The following SLC25A26 variants were observed in gnomAD, a reference collection of about 807,000 sequenced individuals.
SLC25A26 encodes the protein solute carrier family 25 member 26.
A neutral mutation model predicts 37.8 loss-of-function variants in SLC25A26; 36 were observed. The observed-to-expected ratio is 0.95, with a 90% CI of 0.73 to 1.26. SLC25A26 has a LOEUF of 1.26. SLC25A26 is among the 50% of genes most tolerant of loss of function. The pLI is 0.00. For missense variants in SLC25A26, 390 were observed against 331.1 expected (o/e 1.18, Z -1.38); for synonymous variants, 129 against 122.5 (o/e 1.05, Z -0.35).
rs377239684 is a variant in SLC25A26, at chr3:66,231,763, A to ATTT, written c.34-4767_34-4765dup. The stretch of plus-strand genomic sequence containing the variant: ...GTGCCAATAAGTATGGGTTTACCTC[A>ATTT]TTTTTTTTTTTTTTTTGATTAGAGA... On this transcript the variant is annotated intron_variant, in intron 1 of 9. Transcript: ENST00000354883. Among the ~76,000 whole-genome samples, 306 of 137,900 alleles carry ATTT rather than the reference A, an allele frequency of 2.2e-3. 2 individuals carry two copies. The highest frequency in any genetic ancestry group is 7.4e-3 in the African/African-American group (277 of 37,298). 90.5% of individuals were successfully genotyped at this position (137,900 alleles called of 152,430 possible). A position where few individuals can be genotyped will look rare whatever the true frequency, so the allele number is the denominator to read the frequency against.
chr3:66,244,397 C>G (rs1391660417), intron 3 of SLC25A26, among the ~76,000 whole-genome samples: 1 of 152,174 alleles, frequency 6.6e-6, no homozygotes, highest in Admixed American at 6.5e-5. Context: ...ATAGTCACAT[C>G]TCTCTCTCGA....
chr3:66,218,565 C>CTTA (rs2071395525), upstream of SLC25A26, among the ~76,000 whole-genome samples: 1 of 152,128 alleles, frequency 6.6e-6, no homozygotes, highest in Non-Finnish European at 1.5e-5. Context: ...CCTCATCTTC[C>CTTA]GGTATTTAGG....
chr3:66,353,767 C>T (rs1000313865), intron 6 of SLC25A26, among the ~76,000 whole-genome samples: 2 of 152,150 alleles, frequency 1.3e-5, no homozygotes, highest in African/African-American at 4.8e-5. Flanking sequence ...TTCTCAGAGA[C>T]CAACCCTGGA....
At chr3:66,273,516 C>G (rs1463965513) in intron 5 of SLC25A26, among the ~76,000 whole-genome samples, 4 of 152,088 alleles carry the variant, frequency 2.6e-5, no homozygotes, top group African/African-American at 4.8e-5. Flanking sequence ...ATTGTCTCAG[C>G]CCAAAGTCTC....
chr3:66,174,583 A>G (rs189232510), intron 1 of SLC25A26, among the ~76,000 whole-genome samples: 38 of 152,242 alleles, frequency 2.5e-4, no homozygotes, highest in Non-Finnish European at 4.0e-4. Flanking sequence ...AATCGAGACC[A>G]TCCTGGCTAA....
intron 1 of SLC25A26, among the ~76,000 whole-genome samples, chr3:66,236,253 G>T (rs36197639): frequency 7.8e-6 from 1 of 128,584 alleles, no homozygotes; most frequent in Non-Finnish European, 1.6e-5. Context: ...AACCATGTGA[G>T]TACTATATTA....
intron 1 of SLC25A26, among the ~76,000 whole-genome samples, chr3:66,204,599 C>T (rs2071154104): frequency 6.6e-6 from 1 of 151,998 alleles, no homozygotes; most frequent in African/African-American, 2.4e-5. Flanking sequence ...AATGCTAGCA[C>T]CCCAGAAAAA....
At chr3:66,204,299 G>A (rs1389880242) in intron 1 of SLC25A26, among the ~76,000 whole-genome samples, 1 of 151,584 alleles carries the variant, frequency 6.6e-6, no homozygotes, top group Non-Finnish European at 1.5e-5. Flanking sequence ...AGTGGCGGTC[G>A]CCTGTAGTCC....
chr3:66,209,932 A>ATATATATATATATATG (rs2106834382), intron 1 of SLC25A26, among the ~76,000 whole-genome samples: 1 of 70,400 alleles, frequency 1.4e-5, no homozygotes, highest in Non-Finnish European at 2.6e-5. Context: ...ATATATATAT[A>ATATATATATATATATG]TATATATATA....
intron 2 of SLC25A26, 145 bp from the exon 3 acceptor site, chr3:66,243,058 G>T: frequency 1.9e-6 from 1 of 533,116 alleles, no homozygotes; most frequent in Non-Finnish European, 3.3e-6. Flanking sequence ...AAAGAGTGGG[G>T]GTAGGAAGAA....
intron 5 of SLC25A26, among the ~76,000 whole-genome samples, chr3:66,280,732 AT>A (rs901203603): frequency 6.6e-6 from 1 of 151,628 alleles, no homozygotes; most frequent in African/African-American, 2.4e-5. Context: ...TAAAACGTGT[AT>A]TTTTTTTCCC....
At chr3:66,347,967 G>A (rs530165740) in intron 6 of SLC25A26, among the ~76,000 whole-genome samples, 11 of 152,168 alleles carry the variant, frequency 7.2e-5, no homozygotes, top group South Asian at 2.1e-4. Flanking sequence ...AATGACTGGG[G>A]CCTGTTGTGG....
intron 5 of SLC25A26, among the ~76,000 whole-genome samples, chr3:66,298,965 A>G (rs1254501943): frequency 6.6e-6 from 1 of 152,188 alleles, no homozygotes; most frequent in Non-Finnish European, 1.5e-5. Context: ...TAACATAAAA[A>G]CTCACTTGAA....
intron 3 of SLC25A26, among the ~76,000 whole-genome samples, chr3:66,250,198 G>C (rs113062983): frequency 6.6e-6 from 1 of 152,120 alleles, no homozygotes; most frequent in African/African-American, 2.4e-5. Context: ...GTAATAGGTT[G>C]CTTTTGTTCA....
chr3:66,239,581 A>G (rs1051896673), intron 2 of SLC25A26, among the ~76,000 whole-genome samples: 1 of 152,212 alleles, frequency 6.6e-6, no homozygotes, highest in Non-Finnish European at 1.5e-5. Flanking sequence ...CTTGGCTGGC[A>G]TTAACTTCTT....
intron 1 of SLC25A26, among the ~76,000 whole-genome samples, chr3:66,176,988 ATAGAG>A (rs775262027): frequency 7.2e-5 from 11 of 152,278 alleles, no homozygotes; most frequent in East Asian, 1.9e-4. Context: ...TTCTGGCCCT[ATAGAG>A]TAAAGTCTCC....
intron 5 of SLC25A26, among the ~76,000 whole-genome samples, chr3:66,321,193 C>G (rs1445578778): frequency 1.3e-5 from 2 of 152,226 alleles, no homozygotes; most frequent in Non-Finnish European, 2.9e-5. Flanking sequence ...TGCAAATTCT[C>G]AGGTCCTACC....
At chr3:66,196,246 T>G (rs2071042485) in intron 1 of SLC25A26, among the ~76,000 whole-genome samples, 1 of 152,204 alleles carries the variant, frequency 6.6e-6, no homozygotes, top group East Asian at 1.9e-4. Context: ...ATTTTAAAAT[T>G]TTGAAAAGGC....
intron 9 of SLC25A26, 109 bp from the exon 10 acceptor site, chr3:66,377,581 A>G: frequency 1.3e-6 from 1 of 767,340 alleles, no homozygotes; most frequent in South Asian, 1.7e-5. Context: ...GCTGTTTGGT[A>G]GTTAGCCACT....
Sources: gnomAD v4.1 joint callset for allele counts (sites outside exome capture counted in the v4.1 genomes callset) on GRCh38, gnomAD v4.1.1 for gene constraint, MANE v1.5 for transcripts, NCBI Gene and HGNC (gene_info 2026-07-23, HGNC 2026-07-21) for gene names.